CHD1: variants seen among roughly 807,000 people sequenced by gnomAD.
CHD1 encodes ATP-dependent chromatin remodeler CHD1.
Under a neutral mutation model 224.2 loss-of-function variants are expected in CHD1, and 36 were observed. The observed-to-expected ratio is 0.16, with a 90% CI of 0.12 to 0.21. The LOEUF is 0.21. Ranked by LOEUF, CHD1 falls within the 10% of genes least tolerant of loss-of-function variation. CHD1 has a pLI of 1.00. For missense variants in CHD1, 1,378 were observed against 1,994.8 expected (o/e 0.69, Z 5.89); for synonymous variants, 668 against 658.3 (o/e 1.01, Z -0.23).
At chr5:98,890,235 C>T (rs992842374) in intron 15 of CHD1, among the ~76,000 whole-genome samples, 19 of 152,118 alleles carry the variant, frequency 1.2e-4, no homozygotes, top group Non-Finnish European at 2.5e-4. Flanking sequence ...TTATTTTCTT[C>T]CTTTTTACAA....
At chr5:98,908,107 T>C (rs1752164384) in intron 2 of CHD1, among the ~76,000 whole-genome samples, 2 of 152,196 alleles carry the variant, frequency 1.3e-5, no homozygotes, top group Admixed American at 1.3e-4. Context: ...ATGAGACCTT[T>C]CAGGATCTCT....
Position 98,892,752 on chromosome 5 carries a change from A to G in CHD1, c.1992-39T>C, listed in dbSNP as rs768921831. ...GAAATTGGAACAATTACTAGAAAAA[A>G]TCAAATTGTGTATGTTGTGTATGAA... On this transcript the variant is annotated intron_variant, in intron 14 of 35. Transcript: ENST00000614616. The G allele has an allele frequency of 3.4e-6, 5 of 1,467,694 alleles. 1 individual carries two copies. Among genetic ancestry groups the G allele is most frequent in the South Asian group, 2.6e-5 (2 of 77,072 alleles). 90.9% of individuals were successfully genotyped at this position (1,467,694 alleles called of 1,614,324 possible).
chr5:98,899,806 TTTTA>T, intron 7 of CHD1, 101 bp from the exon 8 acceptor site: 1 of 757,006 alleles, frequency 1.3e-6, no homozygotes, highest in East Asian at 2.6e-5. Flanking sequence ...ATATATACTC[TTTTA>T]AATAAAGTAT....
chr5:98,900,322 TTATTAAG>T (rs998560943), intron 7 of CHD1, among the ~76,000 whole-genome samples: 1 of 150,528 alleles, frequency 6.6e-6, no homozygotes, highest in Non-Finnish European at 1.5e-5. Flanking sequence ...GGTCAGGTGG[TTATTAAG>T]AAGGTACTCA....
At chr5:98,879,447 T>C in intron 23 of CHD1, 105 bp downstream of exon 23, 1 of 953,012 alleles carries the variant, frequency 1.0e-6, no homozygotes, top group East Asian at 2.7e-5. Flanking sequence ...TCAAGGCCAT[T>C]ACAAGAAAAG....
At position 98,918,811 on chromosome 5, in the gene CHD1, T is replaced by C. The variant is rs1752915698; in HGVS notation, c.53+7523A>G. Reference sequence around the variant, plus strand: ...TCTCCAACACCCTTCTGAATATATATCATTTGTTCTTTCTTTTCAAACTAC... The same window carrying C: ...TCTCCAACACCCTTCTGAATATATACCATTTGTTCTTTCTTTTCAAACTAC... On this transcript the variant is annotated intron_variant, in intron 2 of 35. Transcript: ENST00000614616. Among the ~76,000 whole-genome samples the C allele has an allele frequency of 2.7e-5, 4 of 150,264 alleles. No homozygotes were observed. In the South Asian group the frequency reaches 8.4e-4, roughly 32 times the overall value.
intron 2 of CHD1, among the ~76,000 whole-genome samples, chr5:98,922,602 TATAGAATTCTAGCC>T (rs1301311423): frequency 6.6e-6 from 1 of 152,202 alleles, no homozygotes; most frequent in Non-Finnish European, 1.5e-5. Context: ...AAAAATACAT[TATAGAATTCTAGCC>T]ACTAAAAAAC....
At chr5:98,909,567 A>G (rs1046469792) in intron 2 of CHD1, among the ~76,000 whole-genome samples, 6 of 152,184 alleles carry the variant, frequency 3.9e-5, no homozygotes, top group African/African-American at 1.4e-4. Context: ...AAGAGGCAGT[A>G]AAATGGTGAC....
At chr5:98,917,428 T>C (rs181837795) in intron 2 of CHD1, among the ~76,000 whole-genome samples, 84 of 152,188 alleles carry the variant, frequency 5.5e-4, no homozygotes, top group Admixed American at 5.9e-4. Flanking sequence ...ACCTGACATA[T>C]ACATGTATTT....
chr5:98,858,484 G>C (rs1182559314), intron 34 of CHD1, 94 bp from the exon 35 acceptor site: 4 of 984,396 alleles, frequency 4.1e-6, no homozygotes, highest in African/African-American at 3.3e-5. Context: ...TTCAACCCTT[G>C]CCAAAACAAA....
intron 19 of CHD1, 119 bp from the exon 20 acceptor site, chr5:98,882,242 A>G (rs553467498): frequency 9.9e-5 from 74 of 744,422 alleles, no homozygotes; most frequent in Non-Finnish European, 1.4e-4. Flanking sequence ...TTCACTGGTT[A>G]AAAGCAAAAT....
chr5:98,903,115 C>A (rs1248585062), intron 4 of CHD1, 151 bp from the exon 5 acceptor site: 20 of 497,730 alleles, frequency 4.0e-5, no homozygotes, highest in Non-Finnish European at 7.1e-6. Flanking sequence ...TGTTAACTAG[C>A]TGAAAGTAAT....
intron 5 of CHD1, 63 bp from the exon 6 acceptor site, chr5:98,901,398 C>A: frequency 7.7e-7 from 1 of 1,295,148 alleles, no homozygotes; most frequent in South Asian, 1.5e-5. Context: ...ATCCCTAATA[C>A]AAAGATGATC....
Position 98,876,530 on chromosome 5 carries a change from C to T in CHD1, c.3266G>A (p.Arg1089His), listed in dbSNP as rs370090244. Residue 1089 changes from arginine (R) to histidine (H), a missense_variant, in exon 24 of 36, where the codon CGC becomes CAC. Arg to His is a conservative substitution (Grantham distance 29, BLOSUM62 0). Transcript: ENST00000614616. ...QISFNGSEGR[R>H]SRSRRYSGSD... ...TCCAGAGTATCTCCTACTTCTACTG[C>T]GCCTCCCTTCACTTCCATTGAAACT... 39 of 1,613,576 alleles carry T rather than the reference C, an allele frequency of 2.4e-5. No individual in the cohort carries two copies. Among genetic ancestry groups the T allele is most frequent in the Non-Finnish European group, 2.8e-5 (33 of 1,179,750 alleles).
intron 13 of CHD1, among the ~76,000 whole-genome samples, chr5:98,894,380 A>G (rs964626297): frequency 6.6e-5 from 10 of 152,320 alleles, no homozygotes; most frequent in African/African-American, 2.4e-4. Context: ...GCAGATAAAT[A>G]TATGGTCTCT....
In CHD1 at chr5:98,856,505, C is replaced by T. The variant is rs763634465; in HGVS notation, c.5008G>A (p.Ala1670Thr). The change falls in exon 36 of 36, where the codon GCT (alanine) becomes ACT (threonine). Residue 1670 changes from alanine (A) to threonine (T), a missense_variant. Coordinates refer to ENST00000614616, the MANE Select transcript of CHD1 (RefSeq NM_001270.4). ...GGTGACCTAGGGCCACTGCTGGAAG[C>T]TCTGTGGTCCATTTGCCAGTCTGAG... ...YHSDWQMDHRASSSGPRSPLD... is the reference protein window; with the variant it reads ...YHSDWQMDHRTSSSGPRSPLD... 7.4e-6 allele frequency: 12 copies of T among 1,613,754 alleles called. No homozygotes were observed. Among genetic ancestry groups the T allele is most frequent in the South Asian group, 2.2e-5 (2 of 91,074 alleles).
At chr5:98,884,875 C>T (rs1750535198) in intron 18 of CHD1, among the ~76,000 whole-genome samples, 2 of 151,788 alleles carry the variant, frequency 1.3e-5, no homozygotes, top group Non-Finnish European at 2.9e-5. Context: ...GCCACTATGC[C>T]CAGTTTATTT....
At chr5:98,914,090 A>G (rs1237975050) in intron 2 of CHD1, among the ~76,000 whole-genome samples, 2 of 152,186 alleles carry the variant, frequency 1.3e-5, no homozygotes, top group Non-Finnish European at 2.9e-5. Context: ...TCTACAGCTC[A>G]GTGTAGTCAT....
intron 8 of CHD1, 78 bp downstream of exon 8, chr5:98,899,402 C>T: frequency 1.1e-6 from 1 of 892,248 alleles, no homozygotes; most frequent in Non-Finnish European, 1.7e-6. Context: ...TTTAATGTTA[C>T]TATGTATTCT....
Sources: allele counts gnomAD v4.1 joint callset (sites outside exome capture counted in the v4.1 genomes callset), GRCh38; gene constraint gnomAD v4.1.1; transcripts MANE v1.5; gene names NCBI Gene and HGNC (gene_info 2026-07-23, HGNC 2026-07-21).